PACS1: variants seen among roughly 807,000 people sequenced by gnomAD.
PACS1 encodes PACS-1.
PACS1 carries 24 observed loss-of-function variants against 115.0 expected under a neutral mutation model. The observed-to-expected ratio is 0.21, with a 90% CI of 0.15 to 0.29. The LOEUF (loss-of-function observed/expected upper bound fraction) is 0.29. Ranked by LOEUF, PACS1 falls within the 10% of genes least tolerant of loss-of-function variation. The pLI is 1.00. For missense variants in PACS1, 838 were observed against 1,251.2 expected (o/e 0.67, Z 4.98); for synonymous variants, 453 against 504.5 (o/e 0.90, Z 1.37).
At chr11:66,179,985 A>G (rs1859963328) in intron 1 of PACS1, among the ~76,000 whole-genome samples, 2 of 151,814 alleles carry the variant, frequency 1.3e-5, no homozygotes, top group South Asian at 2.1e-4. Flanking sequence ...CTGAACAGCT[A>G]GGATTCACCA....
At chr11:66,204,142 C>T (rs1275223775) in intron 2 of PACS1, among the ~76,000 whole-genome samples, 2 of 151,960 alleles carry the variant, frequency 1.3e-5, no homozygotes, top group Admixed American at 6.6e-5. Context: ...ATCCCTTGTC[C>T]ATCTGACAAG....
At chr11:66,129,432 A>G (rs1858652846) in intron 1 of PACS1, among the ~76,000 whole-genome samples, 1 of 141,038 alleles carries the variant, frequency 7.1e-6, no homozygotes, top group African/African-American at 2.7e-5. Flanking sequence ...ACTCCATATC[A>G]AAAAAAAAAA....
At chr11:66,075,252 T>C (rs1319594143) in intron 1 of PACS1, among the ~76,000 whole-genome samples, 1 of 151,960 alleles carries the variant, frequency 6.6e-6, no homozygotes, top group African/African-American at 2.4e-5. Flanking sequence ...CTTTGTTTTG[T>C]TTTTTTGAGA....
At chr11:66,154,932 AATAATAGAC>A (rs1859318391) in intron 1 of PACS1, among the ~76,000 whole-genome samples, 1 of 152,248 alleles carries the variant, frequency 6.6e-6, no homozygotes. Context: ...ATACTGGCAA[AATAATAGAC>A]ATGTACATAA....
At chr11:66,230,142 A>G (rs1314692154) in intron 11 of PACS1, among the ~76,000 whole-genome samples, 2 of 151,274 alleles carry the variant, frequency 1.3e-5, no homozygotes, top group Non-Finnish European at 3.0e-5. Context: ...GGCTAAAAAA[A>G]AAAAAAAAAA....
At chr11:66,123,044 T>C (rs1016119276) in intron 1 of PACS1, among the ~76,000 whole-genome samples, 2 of 152,178 alleles carry the variant, frequency 1.3e-5, no homozygotes, top group Non-Finnish European at 2.9e-5. Context: ...TGTGACAAAC[T>C]TCATTGTCTT....
intron 1 of PACS1, among the ~76,000 whole-genome samples, chr11:66,155,431 A>G (rs1485130483): frequency 1.3e-5 from 2 of 152,240 alleles, no homozygotes; most frequent in South Asian, 2.1e-4. Flanking sequence ...TAAATGCACA[A>G]AAGATTTCAA....
intron 19 of PACS1, 90 bp from the exon 20 acceptor site, chr11:66,238,714 G>A: frequency 8.5e-7 from 1 of 1,175,460 alleles, no homozygotes; most frequent in East Asian, 2.6e-5. Context: ...GTGTAGTGAT[G>A]GCTCTTGTGC....
Position 66,243,949 on chromosome 11 carries a change from C to T in PACS1, c.*669C>T, listed in dbSNP as rs924999277. 3.3e-5 allele frequency: 5 copies of T among 152,352 alleles called. No individual in the cohort carries two copies. Among genetic ancestry groups the T allele is most frequent in the African/African-American group, 1.2e-4 (5 of 41,452 alleles). The allele number at this position is 152,352 out of a possible 1,614,324, so 9.4% of individuals were successfully genotyped here. A position where few individuals can be genotyped will look rare whatever the true frequency, so the allele number is the denominator to read the frequency against. On this transcript the variant is annotated 3_prime_UTR_variant, in exon 24 of 24. Coordinates refer to ENST00000320580, the MANE Select transcript of PACS1 (RefSeq NM_018026.4). ...CTAGGACAGAGGGGCCTCCCAGTCT[C>T]CCCCCACCACCCGTGCACGACTTCC... is the stretch of plus-strand genomic sequence containing the variant.
chr11:66,194,251 A>G (rs1854598600), intron 2 of PACS1, among the ~76,000 whole-genome samples: 1 of 152,224 alleles, frequency 6.6e-6, no homozygotes, highest in Non-Finnish European at 1.5e-5. Flanking sequence ...GGCGTGAGCC[A>G]CCGCGCCCAG....
At chr11:66,167,397 T>A (rs1859633686) in intron 1 of PACS1, among the ~76,000 whole-genome samples, 3 of 139,064 alleles carry the variant, frequency 2.2e-5, no homozygotes. Flanking sequence ...AGTGCAGTCA[T>A]AGCTCACTGC....
At position 66,233,132 on chromosome 11, in the gene PACS1, A is replaced by G; in HGVS notation, c.1838+66A>G. The G allele has an allele frequency of 8.2e-7, 1 of 1,219,202 alleles. No individual in the cohort carries two copies. Among genetic ancestry groups the G allele is most frequent in the South Asian group, 1.2e-5 (1 of 80,742 alleles). The allele number at this position is 1,219,202 out of a possible 1,614,324, so 75.5% of individuals were successfully genotyped here. On this transcript the variant is annotated intron_variant, in intron 15 of 23. Coordinates refer to ENST00000320580, the MANE Select transcript of PACS1 (RefSeq NM_018026.4). This position sits in a 1 kb window ranked among gnomAD's most constrained non-coding sequence, Gnocchi z 4.5. ...CCTCTGACCTCATCTTCCAACCCTG[A>G]CTTCTAAGCAATGATAGACCCTCCT...
intron 1 of PACS1, among the ~76,000 whole-genome samples, chr11:66,113,765 C>T (rs903873892): frequency 2.6e-5 from 4 of 152,186 alleles, no homozygotes; most frequent in Admixed American, 2.6e-4. Flanking sequence ...AACTCTTGCT[C>T]TGACATTAAT....
At chr11:66,165,711 G>T (rs982612065) in intron 1 of PACS1, among the ~76,000 whole-genome samples, 5 of 145,792 alleles carry the variant, frequency 3.4e-5, no homozygotes, top group Admixed American at 2.7e-4. Flanking sequence ...CCCATACCCT[G>T]TGGGTATTTA....
intron 1 of PACS1, among the ~76,000 whole-genome samples, chr11:66,118,010 C>T (rs931677824): frequency 1.3e-5 from 2 of 152,102 alleles, no homozygotes; most frequent in African/African-American, 4.8e-5. Context: ...GATGTTTTTT[C>T]CATTTGTGTT....
intron 1 of PACS1, among the ~76,000 whole-genome samples, chr11:66,090,193 G>T (rs904905189): frequency 4.0e-5 from 6 of 150,826 alleles, no homozygotes; most frequent in African/African-American, 1.5e-4. Context: ...GGCTTGACTT[G>T]ACTTGGCTTG....
At chr11:66,238,642 A>T in intron 19 of PACS1, 162 bp from the exon 20 acceptor site, 1 of 669,666 alleles carries the variant, frequency 1.5e-6, no homozygotes, top group Non-Finnish European at 2.6e-6. Context: ...CTGGGATTAC[A>T]GGCATAAGCC....
intron 22 of PACS1, among the ~76,000 whole-genome samples, chr11:66,242,173 G>A (rs919248277): frequency 6.6e-6 from 1 of 152,234 alleles, no homozygotes; most frequent in African/African-American, 2.4e-5. Flanking sequence ...CCCGGCTCCT[G>A]TGCGTGGGAG....
chr11:66,206,626 A>T (rs756562516), intron 2 of PACS1, among the ~76,000 whole-genome samples: 2 of 152,228 alleles, frequency 1.3e-5, no homozygotes, highest in African/African-American at 4.8e-5. Context: ...TAATCATATA[A>T]TGAGGCTACT....
Sources: gnomAD v4.1 joint callset for allele counts (sites outside exome capture counted in the v4.1 genomes callset) on GRCh38, gnomAD v4.1.1 for gene constraint, Gnocchi (gnomAD v3.1) non-coding constraint, MANE v1.5 for transcripts, NCBI Gene and HGNC (gene_info 2026-07-23, HGNC 2026-07-21) for gene names.